ISCA1: variants seen among roughly 807,000 people sequenced by gnomAD.
ISCA1 encodes iron-sulfur cluster assembly 1, also known as iron-sulfur cluster assembly 1 homolog, mitochondrial.
ISCA1 carries 9 observed loss-of-function variants against 14.7 expected under a neutral mutation model. The observed-to-expected ratio is 0.61, with a 90% confidence interval of 0.37 to 1.07. The LOEUF (loss-of-function observed/expected upper bound fraction) is 1.07. Among genes scored for constraint, ISCA1 ranks in the 50% least tolerant of loss-of-function variants. The probability of loss-of-function intolerance (pLI) is 0.01; values close to 1 mark genes in which losing one functional copy is unlikely to be tolerated. For synonymous variants in ISCA1, 38 were observed against 54.3 expected (o/e 0.70, Z 1.32); for missense variants, 102 against 150.1 (o/e 0.68, Z 1.67).
intron 2 of ISCA1, among the ~76,000 whole-genome samples, chr9:86,273,654 G>A (rs545980202): frequency 6.6e-6 from 1 of 152,184 alleles, no homozygotes; most frequent in Non-Finnish European, 1.5e-5. Context: ...CCCAGTCTAG[G>A]CCAGTGGTTG....
At chr9:86,280,609 A>G (rs1825499205) in intron 1 of ISCA1, among the ~76,000 whole-genome samples, 5 of 150,686 alleles carry the variant, frequency 3.3e-5, no homozygotes, top group Admixed American at 3.3e-4. Flanking sequence ...AAAAAAAAAA[A>G]AAAAAGAAAT....
intron 3 of ISCA1, among the ~76,000 whole-genome samples, chr9:86,269,545 C>T (rs10868402): frequency 0.23 from 35,017 of 151,602 alleles, 4,327 homozygotes; most frequent in East Asian, 0.48. Context: ...AATGCCATCC[C>T]CATCAAGCTA....
At chr9:86,274,305 G>A (rs1051392945) in intron 1 of ISCA1, 63 bp from the exon 2 acceptor site, 2 of 1,046,906 alleles carry the variant, frequency 1.9e-6, no homozygotes, top group Admixed American at 1.9e-5. Flanking sequence ...ATATTTATCA[G>A]TCTTCGTAAG....
chr9:86,278,816 T>C (rs182461357), intron 1 of ISCA1, among the ~76,000 whole-genome samples: 1 of 152,346 alleles, frequency 6.6e-6, no homozygotes, highest in Admixed American at 6.5e-5. Context: ...GTTTAATGGT[T>C]TAAACGTAAC....
At chr9:86,281,636 G>A (rs1255755378) in intron 1 of ISCA1, among the ~76,000 whole-genome samples, 1 of 152,196 alleles carries the variant, frequency 6.6e-6, no homozygotes, top group African/African-American at 2.4e-5. Context: ...AAAACTGAAC[G>A]GTGCGGCCGG....
chr9:86,268,909 C>A (rs1009485204), intron 3 of ISCA1, among the ~76,000 whole-genome samples: 5 of 152,280 alleles, frequency 3.3e-5, no homozygotes, highest in Admixed American at 2.6e-4. Context: ...GATTCTCCTG[C>A]CTCAGCCTCC....
chr9:86,271,138 T>C (rs1263919718), intron 3 of ISCA1, among the ~76,000 whole-genome samples: 1 of 152,108 alleles, frequency 6.6e-6, no homozygotes, highest in African/African-American at 2.4e-5. Context: ...TTTTCTTTGT[T>C]TAGGTACGTT....
chr9:86,271,468 A>G (rs1300176611), intron 3 of ISCA1, among the ~76,000 whole-genome samples: 1 of 152,222 alleles, frequency 6.6e-6, no homozygotes, highest in Non-Finnish European at 1.5e-5. Flanking sequence ...AAAAAGCTCC[A>G]ATGAGCATTT....
chr9:86,268,151 C>G lies in ISCA1; in HGVS notation c.242-1960G>C, dbSNP rs541236311. ...ACCGTGAAACAGCCTGAGGCAGGTT[C>G]TTCAGGAGGTATCCAGAAGAAGGCA... On this transcript the variant is annotated intron_variant, in intron 3 of 3. Transcript: ENST00000375991. Among the ~76,000 whole-genome samples the G allele has an allele frequency of 9.2e-5, 14 of 151,966 alleles. No homozygotes were observed. In the East Asian group the frequency reaches 2.3e-3, roughly 25 times the overall value.
At chr9:86,269,469 T>C (rs1444374510) in intron 3 of ISCA1, among the ~76,000 whole-genome samples, 1 of 152,162 alleles carries the variant, frequency 6.6e-6, no homozygotes, top group African/African-American at 2.4e-5. Context: ...GAACATTCCA[T>C]GCTCATGGGT....
intron 3 of ISCA1, among the ~76,000 whole-genome samples, chr9:86,271,391 T>C (rs1283059882): frequency 6.6e-6 from 1 of 152,204 alleles, no homozygotes; most frequent in Non-Finnish European, 1.5e-5. Context: ...TCTCAGAATG[T>C]ATCTCCAATG....
At chr9:86,279,048 T>C (rs1825477352) in intron 1 of ISCA1, among the ~76,000 whole-genome samples, 1 of 152,236 alleles carries the variant, frequency 6.6e-6, no homozygotes, top group Admixed American at 6.5e-5. Flanking sequence ...TTTCCTAAAC[T>C]GCCTTCGTAT....
intron 1 of ISCA1, among the ~76,000 whole-genome samples, chr9:86,279,985 T>C (rs1327761531): frequency 6.6e-6 from 1 of 152,134 alleles, no homozygotes; most frequent in African/African-American, 2.4e-5. Flanking sequence ...CATACTTAAG[T>C]AGGACAACAG....
chr9:86,271,325 TCA>T (rs1825366407), intron 3 of ISCA1, among the ~76,000 whole-genome samples: 1 of 152,078 alleles, frequency 6.6e-6, no homozygotes, highest in South Asian at 2.1e-4. Flanking sequence ...GTCACATTTC[TCA>T]GACCGTCTAG....
At chr9:86,276,870 CAAAAAAAAA>C (rs35460722) in intron 1 of ISCA1, among the ~76,000 whole-genome samples, 4 of 39,910 alleles carry the variant, frequency 1.0e-4, no homozygotes, top group East Asian at 8.3e-4. Context: ...GACTCTGTCT[CAAAAAAAAA>C]AAAAAAAAAA....
chr9:86,272,613 G>A (rs1825384869), intron 2 of ISCA1, among the ~76,000 whole-genome samples: 2 of 152,194 alleles, frequency 1.3e-5, no homozygotes, highest in Admixed American at 1.3e-4. Flanking sequence ...TTTTCAAACA[G>A]TATCTACCTA....
At chr9:86,277,779 C>T (rs1189588439) in intron 1 of ISCA1, among the ~76,000 whole-genome samples, 2 of 151,984 alleles carry the variant, frequency 1.3e-5, no homozygotes, top group African/African-American at 2.4e-5. Context: ...TTCCTGAAGC[C>T]CACTAAAATA....
At chr9:86,270,497 A>G (rs1423078851) in intron 3 of ISCA1, among the ~76,000 whole-genome samples, 1 of 150,378 alleles carries the variant, frequency 6.6e-6, no homozygotes, top group Non-Finnish European at 1.5e-5. Flanking sequence ...TGGTGGTGGG[A>G]CTGTAAACTA....
intron 1 of ISCA1, among the ~76,000 whole-genome samples, chr9:86,274,664 GATT>G (rs1825418976): frequency 6.6e-6 from 1 of 152,022 alleles, no homozygotes; most frequent in African/African-American, 2.4e-5. Flanking sequence ...TTTTCCTGTT[GATT>G]ATTAATCCTA....
Sources: allele counts gnomAD v4.1 joint callset (sites outside exome capture counted in the v4.1 genomes callset), GRCh38; gene constraint gnomAD v4.1.1; transcripts MANE v1.5; gene names NCBI Gene and HGNC (gene_info 2026-07-23, HGNC 2026-07-21).